Variants in ERP44 observed in about 807,000 individuals in gnomAD.
ERP44 encodes the protein endoplasmic reticulum resident protein 44.
A neutral mutation model predicts 53.4 loss-of-function variants in ERP44; 25 were observed. That is an observed-to-expected ratio of 0.47 (90% CI 0.34 to 0.65). The LOEUF (loss-of-function observed/expected upper bound fraction) is 0.65. ERP44 is among the 30% of genes least tolerant of loss of function. The pLI is 0.01. For missense variants in ERP44, 338 were observed against 493.2 expected (o/e 0.69, Z 2.98); for synonymous variants, 145 against 161.2 (o/e 0.90, Z 0.76).
chr9:99,999,166 G>A (rs4495492), intron 10 of ERP44: 53 of 509,092 alleles, frequency 1.0e-4, no homozygotes, highest in Admixed American at 9.3e-4. Flanking sequence ...TCCGCCCCCC[G>A]ACCCTGTCCC....
At chr9:100,069,911 A>C (rs1443497788) in intron 1 of ERP44, among the ~76,000 whole-genome samples, 2 of 152,226 alleles carry the variant, frequency 1.3e-5, no homozygotes, top group East Asian at 3.8e-4. Flanking sequence ...CAGCGTATTT[A>C]AAAATGAGAT....
rs547511909 is a variant in ERP44, at chr9:100,084,673, TC to T, written c.57+14110del. On this transcript the variant is annotated intron_variant, in intron 1 of 11. Transcript: ENST00000262455. ...AAAGATACCAAGAAAACATCTTTTA[TC>T]CTATTTTTACAATATTCCAGAATAT... Among the ~76,000 whole-genome samples the T allele has an allele frequency of 7.2e-5, 11 of 152,338 alleles. No homozygotes were observed. In the South Asian group the frequency reaches 2.3e-3, roughly 32 times the overall value.
At chr9:100,014,930 G>C (rs1227958729) in intron 8 of ERP44, among the ~76,000 whole-genome samples, 1 of 152,130 alleles carries the variant, frequency 6.6e-6, no homozygotes, top group Admixed American at 6.5e-5. Flanking sequence ...CCAAAATCAG[G>C]GTGCCAGCAT....
intron 10 of ERP44, among the ~76,000 whole-genome samples, chr9:99,996,680 C>T (rs1339166530): frequency 2.0e-5 from 3 of 152,100 alleles, no homozygotes; most frequent in African/African-American, 7.2e-5. Context: ...CCCTCACCCA[C>T]CTCCCACCCT....
chr9:100,097,883 G>A (rs1306518406), intron 1 of ERP44, among the ~76,000 whole-genome samples: 1 of 152,168 alleles, frequency 6.6e-6, no homozygotes, highest in Non-Finnish European at 1.5e-5. Flanking sequence ...AGTTCTTAAT[G>A]TTTAAATCTG....
intron 10 of ERP44, among the ~76,000 whole-genome samples, chr9:100,002,971 A>T (rs1257581823): frequency 6.6e-6 from 1 of 152,058 alleles, no homozygotes; most frequent in African/African-American, 2.4e-5. Flanking sequence ...GTGCTGTCCC[A>T]TTAATTCCAT....
chr9:100,093,510 G>A (rs1826586000), intron 1 of ERP44, among the ~76,000 whole-genome samples: 1 of 152,184 alleles, frequency 6.6e-6, no homozygotes, highest in African/African-American at 2.4e-5. Context: ...TGGGTGTGGT[G>A]GCTTGTGCCT....
intron 4 of ERP44, among the ~76,000 whole-genome samples, chr9:100,032,736 G>GT (rs1439077154): frequency 2.6e-5 from 4 of 152,278 alleles, no homozygotes; most frequent in African/African-American, 9.6e-5. Flanking sequence ...CACAGACAAT[G>GT]TTGTCTTGTA....
chr9:100,066,004 G>T (rs1029941684), intron 1 of ERP44, among the ~76,000 whole-genome samples: 3 of 152,170 alleles, frequency 2.0e-5, no homozygotes. Flanking sequence ...TGCCACGCTG[G>T]TATCACCTAG....
intron 4 of ERP44, among the ~76,000 whole-genome samples, chr9:100,046,239 A>G (rs1398140942): frequency 1.3e-5 from 2 of 152,158 alleles, no homozygotes; most frequent in Non-Finnish European, 2.9e-5. Context: ...AAAACTGTCA[A>G]GGTTGTAAAA....
At position 100,098,992 on chromosome 9, in the gene ERP44, G is replaced by T; in HGVS notation, c.-152C>A. The T allele has an allele frequency of 1.6e-6, 1 of 626,562 alleles. No individual in the cohort carries two copies. The highest frequency in any genetic ancestry group is 1.8e-5 in the South Asian group (1 of 54,886). The allele number at this position is 626,562 out of a possible 1,614,324, so 38.8% of individuals were successfully genotyped here. On this transcript the variant is annotated 5_prime_UTR_variant, in exon 1 of 12. Transcript: ENST00000262455. The stretch of plus-strand genomic sequence containing the variant: ...TCGTCCTCTCGACCCGGGCTCCAGC[G>T]GCGAACACCCGGGACAACTTCCAGA...
intron 4 of ERP44, among the ~76,000 whole-genome samples, chr9:100,034,636 G>C (rs1825829798): frequency 6.6e-6 from 1 of 152,028 alleles, no homozygotes; most frequent in South Asian, 2.1e-4. Flanking sequence ...AAAAGAGAAA[G>C]ACAGGAATAG....
At chr9:100,036,168 G>A (rs1433761110) in intron 4 of ERP44, among the ~76,000 whole-genome samples, 2 of 152,154 alleles carry the variant, frequency 1.3e-5, no homozygotes, top group Non-Finnish European at 2.9e-5. Flanking sequence ...CAGTGGACTG[G>A]ATAAAGAAAA....
At chr9:100,062,731 A>C (rs1826165540) in intron 1 of ERP44, among the ~76,000 whole-genome samples, 1 of 152,170 alleles carries the variant, frequency 6.6e-6, no homozygotes, top group African/African-American at 2.4e-5. Flanking sequence ...GTTAATTATC[A>C]TCTATCAAAA....
chr9:100,092,626 T>C (rs1826572562), intron 1 of ERP44, among the ~76,000 whole-genome samples: 1 of 152,254 alleles, frequency 6.6e-6, no homozygotes, highest in Non-Finnish European at 1.5e-5. Flanking sequence ...TCATAAACTC[T>C]ATCTTGTGAG....
rs546751564 is a variant in ERP44, at chr9:100,079,948, A to C, written c.57+18836T>G. On this transcript the variant is annotated intron_variant, in intron 1 of 11. Transcript: ENST00000262455. ...AGTGCTGTCTTTAAAAAAAACAAAA[A>C]AAAAAAAAACAGAATCATAAACTTC... Among the ~76,000 whole-genome samples, 522 of 152,116 alleles carry C rather than the reference A, an allele frequency of 3.4e-3. 2 individuals are homozygous for C. The highest frequency in any genetic ancestry group is 5.9e-3 in the Non-Finnish European group (399 of 67,972).
chr9:100,008,113 CAATAAATAAATCTGAT>C (rs1453895570), intron 8 of ERP44, among the ~76,000 whole-genome samples: 1 of 152,096 alleles, frequency 6.6e-6, no homozygotes, highest in Non-Finnish European at 1.5e-5. Flanking sequence ...AGTATATCAG[CAATAAATAAATCTGAT>C]TTGCAAAATT....
chr9:100,082,698 T>C lies in ERP44; in HGVS notation c.57+16086A>G, dbSNP rs1342146. On this transcript the variant is annotated intron_variant, in intron 1 of 11. Coordinates refer to ENST00000262455, the MANE Select transcript of ERP44 (RefSeq NM_015051.3). The stretch of plus-strand genomic sequence containing the variant: ...TTCGCATTCTATGAATACAGTATTT[T>C]AGATCTGCATTTGGCTGTGGACGTG... Among the ~76,000 whole-genome samples the C allele has an allele frequency of 5.7e-3, 871 of 151,826 alleles. 8 individuals are homozygous for C. Among genetic ancestry groups the C allele is most frequent in the African/African-American group, 0.02 (839 of 41,312 alleles).
chr9:100,060,876 T>TAA (rs1282527043), intron 1 of ERP44, among the ~76,000 whole-genome samples: 1 of 152,260 alleles, frequency 6.6e-6, no homozygotes, highest in East Asian at 1.9e-4. Context: ...GTTTCCAACT[T>TAA]CAATGACTTG....
Sources: gnomAD v4.1 joint callset for allele counts (sites outside exome capture counted in the v4.1 genomes callset) on GRCh38, gnomAD v4.1.1 for gene constraint, MANE v1.5 for transcripts, NCBI Gene and HGNC (gene_info 2026-07-23, HGNC 2026-07-21) for gene names.